CTNND2: variants seen among roughly 807,000 people sequenced by gnomAD.
CTNND2 encodes the protein catenin delta 2.
Under a neutral mutation model 144.4 loss-of-function variants are expected in CTNND2, and 22 were observed. The ratio of observed to expected loss-of-function variants is 0.15; its 90% confidence interval spans 0.11 to 0.22. The LOEUF is 0.22. CTNND2 is among the 10% of genes least tolerant of loss of function. The probability of loss-of-function intolerance (pLI) is 1.00; values close to 1 mark genes in which losing one functional copy is unlikely to be tolerated. For missense variants in CTNND2, 1,353 were observed against 1,618.8 expected (o/e 0.84, Z 2.82); for synonymous variants, 751 against 695.6 (o/e 1.08, Z -1.25).
At chr5:11,085,803 C>T (rs543813135) in intron 15 of CTNND2, among the ~76,000 whole-genome samples, 17 of 152,258 alleles carry the variant, frequency 1.1e-4, no homozygotes, top group African/African-American at 4.1e-4. Flanking sequence ...TGGAGTCCTC[C>T]TGGACAAGCC....
chr5:11,299,107 C>T (rs909813308), intron 9 of CTNND2, among the ~76,000 whole-genome samples: 28 of 152,186 alleles, frequency 1.8e-4, no homozygotes, highest in Admixed American at 6.5e-4. Context: ...ATGATAGTGA[C>T]GCATATCAGT....
At chr5:11,016,053 C>T (rs530207720) in intron 18 of CTNND2, among the ~76,000 whole-genome samples, 1 of 152,308 alleles carries the variant, frequency 6.6e-6, no homozygotes, top group Admixed American at 6.5e-5. Flanking sequence ...TGTGGGTCCA[C>T]TAATATGCAG....
intron 12 of CTNND2, among the ~76,000 whole-genome samples, chr5:11,138,409 G>GTC: frequency 6.6e-6 from 1 of 152,318 alleles, no homozygotes; most frequent in East Asian, 1.9e-4. Context: ...CCACTATTCT[G>GTC]TCAATCCCAG....
intron 1 of CTNND2, among the ~76,000 whole-genome samples, chr5:11,861,999 C>T (rs1482374487): frequency 6.6e-6 from 1 of 152,112 alleles, no homozygotes; most frequent in Non-Finnish European, 1.5e-5. Context: ...CAACAATGCC[C>T]CTATCATTTT....
chr5:11,644,862 T>C (rs1782266929), intron 2 of CTNND2, among the ~76,000 whole-genome samples: 1 of 152,200 alleles, frequency 6.6e-6, no homozygotes. Flanking sequence ...AATTGATTTT[T>C]TTATCTGTTA....
intron 3 of CTNND2, among the ~76,000 whole-genome samples, chr5:11,530,830 G>A (rs1361258958): frequency 6.6e-6 from 1 of 152,120 alleles, no homozygotes; most frequent in Non-Finnish European, 1.5e-5. Flanking sequence ...AGGGCCCAGG[G>A]ATCATACTTA....
chr5:11,401,807 T>C (rs921962726), intron 5 of CTNND2, among the ~76,000 whole-genome samples: 4 of 152,208 alleles, frequency 2.6e-5, no homozygotes, highest in African/African-American at 9.7e-5. Context: ...GAATGTGTGT[T>C]CTTAAGCACA....
At chr5:11,650,790 AG>A (rs1008119710) in intron 2 of CTNND2, among the ~76,000 whole-genome samples, 9 of 152,300 alleles carry the variant, frequency 5.9e-5, no homozygotes, top group African/African-American at 2.2e-4. Context: ...ATCTGGTGGA[AG>A]AAATTCCTAA....
intron 12 of CTNND2, among the ~76,000 whole-genome samples, chr5:11,157,497 G>C (rs1560942090): frequency 1.3e-5 from 2 of 152,308 alleles, no homozygotes; most frequent in South Asian, 4.1e-4. Context: ...CTTCCACTCA[G>C]TCATGAGTTT....
chr5:10,985,980 C>T (rs748969798), intron 20 of CTNND2, among the ~76,000 whole-genome samples: 2 of 152,194 alleles, frequency 1.3e-5, no homozygotes, highest in African/African-American at 2.4e-5. Flanking sequence ...GTGATAATAA[C>T]AATCGGCGTT....
In CTNND2 at chr5:11,495,536, G is replaced by A. The variant is rs117900381; in HGVS notation, c.287+69408C>T. Among the ~76,000 whole-genome samples the A allele has an allele frequency of 1.6e-4, 24 of 152,202 alleles. 1 individual carries two copies. In the East Asian group the frequency reaches 3.3e-3, roughly 21 times the overall value. On this transcript the variant is annotated intron_variant, in intron 3 of 21. Transcript: ENST00000304623. ...GATTTAATCCAGTTTTTGTACTGGC[G>A]TCAACCTTGAACTGCCCTTGAGTCC...
chr5:11,617,525 G>T (rs915962524), intron 2 of CTNND2, among the ~76,000 whole-genome samples: 9 of 152,100 alleles, frequency 5.9e-5, no homozygotes, highest in Admixed American at 3.3e-4. Flanking sequence ...TTCTTCACCT[G>T]GTTACTTAAC....
intron 1 of CTNND2, among the ~76,000 whole-genome samples, chr5:11,877,783 T>C (rs1232540788): frequency 6.6e-6 from 1 of 152,052 alleles, no homozygotes; most frequent in Non-Finnish European, 1.5e-5. Flanking sequence ...TAAGACAAAA[T>C]ATAAGACTAT....
chr5:11,022,568 C>T (rs1255506972), intron 17 of CTNND2, among the ~76,000 whole-genome samples: 1 of 152,186 alleles, frequency 6.6e-6, no homozygotes, highest in East Asian at 1.9e-4. Context: ...GGAAGGAGCA[C>T]ATGGGTGTGC....
chr5:11,238,964 G>A (rs1741934993), intron 9 of CTNND2, among the ~76,000 whole-genome samples: 1 of 152,150 alleles, frequency 6.6e-6, no homozygotes, highest in Admixed American at 6.5e-5. Flanking sequence ...CGTCTGCAAG[G>A]CTCAGATAGC....
chr5:11,277,421 G>C (rs1310713619), intron 9 of CTNND2, among the ~76,000 whole-genome samples: 1 of 151,846 alleles, frequency 6.6e-6, no homozygotes, highest in African/African-American at 2.4e-5. Context: ...TTAAGTCCCA[G>C]AAAGAAACTT....
At chr5:11,309,388 G>A (rs1295557267) in intron 9 of CTNND2, among the ~76,000 whole-genome samples, 1 of 152,204 alleles carries the variant, frequency 6.6e-6, no homozygotes. Flanking sequence ...GTGAGACATG[G>A]AGTCAAAGGA....
chr5:11,789,796 A>C (rs1420933951), intron 1 of CTNND2, among the ~76,000 whole-genome samples: 1 of 152,216 alleles, frequency 6.6e-6, no homozygotes, highest in East Asian at 1.9e-4. Flanking sequence ...TCCAGATTTT[A>C]ATTAAAATAC....
chr5:11,786,695 C>T (rs1297893104), intron 1 of CTNND2, among the ~76,000 whole-genome samples: 1 of 151,616 alleles, frequency 6.6e-6, no homozygotes, highest in Admixed American at 6.6e-5. Flanking sequence ...TGGACTTTTC[C>T]TGAAGATCCC....
Sources: allele counts gnomAD v4.1 joint callset (sites outside exome capture counted in the v4.1 genomes callset), GRCh38; gene constraint gnomAD v4.1.1; transcripts MANE v1.5; gene names NCBI Gene and HGNC (gene_info 2026-07-23, HGNC 2026-07-21).